IL1RAPL1: variants seen among roughly 807,000 people sequenced by gnomAD.
The protein encoded by IL1RAPL1 is interleukin-1 receptor accessory protein-like 1.
IL1RAPL1 carries 3 observed loss-of-function variants against 48.4 expected under a neutral mutation model. That is an observed-to-expected ratio of 0.06 (90% CI 0.03 to 0.16). IL1RAPL1 has a LOEUF of 0.16. IL1RAPL1 is among the 10% of genes least tolerant of loss of function. The pLI is 1.00. For missense variants in IL1RAPL1, 349 were observed against 530.6 expected, an observed-to-expected ratio of 0.66 and a Z score of 3.36; for synonymous variants, 185 against 187.7, an observed-to-expected ratio of 0.99 and a Z score of 0.12.
Position 28,752,244 on chromosome X carries a change from T to C in IL1RAPL1, c.-24-37076T>C, listed in dbSNP as rs193293649. Among the ~76,000 whole-genome samples, 343 of 111,997 alleles carry C rather than the reference T, an allele frequency of 3.1e-3. 2 individuals are homozygous for C. The highest frequency in any genetic ancestry group is 0.01 in the African/African-American group (320 of 30,845). On this transcript the variant is annotated intron_variant, in intron 1 of 10. Transcript: ENST00000378993. ...TATTCCAGTTTATTTGCGCAACTTA[T>C]GTCTGAAGCATAAGCAAAGATTCTT... is the stretch of plus-strand genomic sequence containing the variant.
intron 6 of IL1RAPL1, among the ~76,000 whole-genome samples, chrX:29,697,057 A>G (rs1199254103): frequency 8.9e-6 from 1 of 111,817 alleles, no homozygotes; most frequent in African/African-American, 3.3e-5. Context: ...ATTTTTTTAT[A>G]GGTCACTGTC....
At chrX:28,935,602 G>A (rs1344413892) in intron 2 of IL1RAPL1, among the ~76,000 whole-genome samples, 1 of 111,332 alleles carries the variant, frequency 9.0e-6, no homozygotes, top group African/African-American at 3.3e-5. Context: ...TTGCAAAACT[G>A]GAAGCTCAGC....
rs200900346 is a variant in IL1RAPL1, at chrX:29,799,018, T to TA, written c.779-118445dup. Among the ~76,000 whole-genome samples, 876 of 112,260 alleles carry TA rather than the reference T, an allele frequency of 7.8e-3. 7 individuals carry two copies. The highest frequency in any genetic ancestry group is 0.027 in the African/African-American group (824 of 30,958). On this transcript the variant is annotated intron_variant, in intron 6 of 10. Transcript: ENST00000378993. ...ATATATTTGCTTTTTTAGTTGTTGT[T>TA]AGACGTAAGATAAATTTGAAATGTC...
In IL1RAPL1 at chrX:28,645,510, C is replaced by T. The variant is rs72625515; in HGVS notation, c.-25+57463C>T. 1.8e-4 allele frequency among the ~76,000 whole-genome samples: 20 copies of T among 110,453 alleles called. No individual in the cohort carries two copies. In the East Asian group the frequency reaches 4.3e-3, roughly 24 times the overall value. ...GAGGTTTCTCTGGATTCTAGAGGCT[C>T]TTGAGTTGCAGATCAAAGCTTGGAT... On this transcript the variant is annotated intron_variant, in intron 1 of 10. Transcript: ENST00000378993.
At chrX:29,773,752 T>C (rs2147152684) in intron 6 of IL1RAPL1, among the ~76,000 whole-genome samples, 1 of 111,644 alleles carries the variant, frequency 9.0e-6, no homozygotes, top group South Asian at 3.8e-4. Flanking sequence ...GTTGGGTGGG[T>C]GTGTATGTGT....
intron 5 of IL1RAPL1, among the ~76,000 whole-genome samples, chrX:29,411,407 G>A (rs1934141189): frequency 8.9e-6 from 1 of 111,981 alleles, no homozygotes; most frequent in Non-Finnish European, 1.9e-5. Context: ...AGTCATATAT[G>A]CATTTTGATT....
At chrX:29,747,076 C>T (rs1388866656) in intron 6 of IL1RAPL1, among the ~76,000 whole-genome samples, 7 of 112,588 alleles carry the variant, frequency 6.2e-5, no homozygotes, top group Non-Finnish European at 1.3e-4. Flanking sequence ...AGACTTCACA[C>T]ACAAAGGCTG....
intron 3 of IL1RAPL1, among the ~76,000 whole-genome samples, chrX:29,384,312 C>A (rs1302788753): frequency 1.8e-5 from 2 of 111,728 alleles, no homozygotes; most frequent in Non-Finnish European, 3.8e-5. Flanking sequence ...AACCCAGAAA[C>A]TGAAAGGATA....
chrX:29,740,435 T>C (rs1019023600), intron 6 of IL1RAPL1, among the ~76,000 whole-genome samples: 4 of 112,023 alleles, frequency 3.6e-5, no homozygotes, highest in Non-Finnish European at 5.6e-5. Context: ...CTTGTTATCT[T>C]TCCTTCAGGG....
At chrX:29,490,806 T>C (rs1173777516) in intron 5 of IL1RAPL1, among the ~76,000 whole-genome samples, 1 of 97,831 alleles carries the variant, frequency 1.0e-5, no homozygotes, top group Non-Finnish European at 1.9e-5. Context: ...TCCCTTGAAG[T>C]TCAAGTACAC....
chrX:28,717,209 G>A (rs1935514321), intron 1 of IL1RAPL1, among the ~76,000 whole-genome samples: 1 of 111,964 alleles, frequency 8.9e-6, no homozygotes, highest in Non-Finnish European at 1.9e-5. Flanking sequence ...TATGTTCACT[G>A]CAATACTATT....
intron 2 of IL1RAPL1, among the ~76,000 whole-genome samples, chrX:29,145,919 C>T (rs1929341507): frequency 8.9e-6 from 1 of 112,021 alleles, no homozygotes; most frequent in Admixed American, 9.5e-5. Flanking sequence ...GTCAGAGCCA[C>T]ATTTCACTTT....
chrX:29,181,588 C>A, intron 2 of IL1RAPL1, among the ~76,000 whole-genome samples: 1 of 111,851 alleles, frequency 8.9e-6, no homozygotes. Context: ...AGGAACAATT[C>A]TAGAATTCCT....
chrX:28,918,463 C>T (rs1923540906), intron 2 of IL1RAPL1, among the ~76,000 whole-genome samples: 1 of 111,980 alleles, frequency 8.9e-6, no homozygotes, highest in Non-Finnish European at 1.9e-5. Context: ...CAATGCCCCC[C>T]ATGCAAGATT....
At chrX:29,805,364 A>G (rs1351421949) in intron 6 of IL1RAPL1, among the ~76,000 whole-genome samples, 3 of 110,313 alleles carry the variant, frequency 2.7e-5, no homozygotes, top group African/African-American at 9.9e-5. Flanking sequence ...TGGGATTGGT[A>G]TACCTTCTCC....
At chrX:28,617,446 T>C (rs1934233794) in intron 1 of IL1RAPL1, among the ~76,000 whole-genome samples, 2 of 112,279 alleles carry the variant, frequency 1.8e-5, no homozygotes, top group Admixed American at 1.9e-4. Flanking sequence ...ATTATCAATA[T>C]GGCCTTATCT....
intron 5 of IL1RAPL1, among the ~76,000 whole-genome samples, chrX:29,524,210 T>C (rs2147774383): frequency 9.6e-6 from 1 of 104,521 alleles, no homozygotes; most frequent in East Asian, 3.0e-4. Context: ...ACTTTGAGTA[T>C]ATGTTCTTAA....
At chrX:28,596,275 T>TTAA (rs953809296) in intron 1 of IL1RAPL1, among the ~76,000 whole-genome samples, 1 of 111,064 alleles carries the variant, frequency 9.0e-6, no homozygotes, top group African/African-American at 3.3e-5. Flanking sequence ...GGAGAGAGAA[T>TTAA]TAATATTAGG....
intron 6 of IL1RAPL1, among the ~76,000 whole-genome samples, chrX:29,845,453 C>G (rs781110386): frequency 5.9e-4 from 66 of 111,049 alleles, no homozygotes; most frequent in African/African-American, 2.1e-3. Flanking sequence ...TATATATAAG[C>G]TAGAATAATT....
Sources: gnomAD v4.1 joint callset for allele counts (sites outside exome capture counted in the v4.1 genomes callset) on GRCh38, gnomAD v4.1.1 for gene constraint, MANE v1.5 for transcripts, NCBI Gene and HGNC (gene_info 2026-07-23, HGNC 2026-07-21) for gene names.